Variants in ADAMTS3 observed in about 807,000 individuals in gnomAD.
ADAMTS3 encodes the protein A disintegrin and metalloproteinase with thrombospondin motifs 3.
In ADAMTS3, 73 loss-of-function variants were observed where a neutral mutation model predicts 129.0. The observed-to-expected ratio is 0.57, with a 90% CI of 0.47 to 0.69. ADAMTS3 has a LOEUF of 0.69. Among genes scored for constraint, ADAMTS3 ranks in the 30% least tolerant of loss-of-function variants. The probability of loss-of-function intolerance (pLI) is 0.00; values close to 1 mark genes in which losing one functional copy is unlikely to be tolerated. For synonymous variants in ADAMTS3, 477 were observed against 510.8 expected (o/e 0.93, Z 0.89); for missense variants, 1,457 against 1,514.5 (o/e 0.96, Z 0.63).
Position 72,309,469 on chromosome 4 carries a change from C to G in ADAMTS3, c.2107G>C (p.Gly703Arg). Residue 703 changes from glycine to arginine, a missense_variant, in exon 15 of 22, where the codon GGT (glycine) becomes CGT (arginine). Coordinates refer to ENST00000286657, the MANE Select transcript of ADAMTS3 (RefSeq NM_014243.3). Reference sequence around the variant, plus strand: ...TGGGAATTATCTCCTCCACAGACACCACACTTATCCTCAACCTTATTAGAA... The same window carrying G: ...TGGGAATTATCTCCTCCACAGACACGACACTTATCCTCAACCTTATTAGAA... ...IGSNKVEDKC[G>R]VCGGDNSHCR... The G allele has an allele frequency of 2.5e-6, 4 of 1,612,134 alleles. No individual in the cohort carries two copies. The highest frequency in any genetic ancestry group is 3.4e-6 in the Non-Finnish European group (4 of 1,178,634).
At chr4:72,286,998 C>T (rs564902828) in intron 21 of ADAMTS3, among the ~76,000 whole-genome samples, 161 of 152,082 alleles carry the variant, frequency 1.1e-3, no homozygotes, top group African/African-American at 3.7e-3. Context: ...TGAATGTGTG[C>T]CCCCAAAATT....
intron 3 of ADAMTS3, among the ~76,000 whole-genome samples, chr4:72,500,469 CT>C (rs1434254497): frequency 1.3e-5 from 2 of 151,824 alleles, no homozygotes; most frequent in Non-Finnish European, 2.9e-5. Flanking sequence ...GAGTTACTTG[CT>C]TTTTGCTTGT....
At position 72,509,853 on chromosome 4, in the gene ADAMTS3, A is replaced by G. The variant is rs1578745801; in HGVS notation, c.504+38625T>C. Among the ~76,000 whole-genome samples, 4 of 152,186 alleles carry G rather than the reference A, an allele frequency of 2.6e-5. No individual in the cohort carries two copies. The East Asian group carries it at 7.7e-4, about 29-fold the overall frequency. ...GAGTATGTCTGATGGATACTGACAC[A>G]AAAATCCTCAAAAAACTACTAGCAA... On this transcript the variant is annotated intron_variant, in intron 3 of 21. Coordinates refer to ENST00000286657, the MANE Select transcript of ADAMTS3 (RefSeq NM_014243.3).
chr4:72,346,457 C>G (rs1295646835), intron 4 of ADAMTS3, among the ~76,000 whole-genome samples: 1 of 152,054 alleles, frequency 6.6e-6, no homozygotes, highest in Non-Finnish European at 1.5e-5. Flanking sequence ...TCTGCATTCT[C>G]TTGGCCTCAA....
chr4:72,383,599 G>A (rs572070343), intron 4 of ADAMTS3, among the ~76,000 whole-genome samples: 159 of 152,182 alleles, frequency 1.0e-3, no homozygotes, highest in Middle Eastern at 6.8e-3. Context: ...TGTTCGAGGC[G>A]GACTCTAAGC....
At chr4:72,462,404 C>G (rs1165574631) in intron 3 of ADAMTS3, among the ~76,000 whole-genome samples, 1 of 151,946 alleles carries the variant, frequency 6.6e-6, no homozygotes, top group Non-Finnish European at 1.5e-5. Context: ...TGAAACAATG[C>G]GCAGTCATGA....
intron 17 of ADAMTS3, among the ~76,000 whole-genome samples, chr4:72,300,699 C>G (rs1229378578): frequency 6.6e-6 from 1 of 152,038 alleles, no homozygotes; most frequent in Admixed American, 6.6e-5. Flanking sequence ...CTGAGAATTC[C>G]GTCTCGGTTT....
intron 3 of ADAMTS3, among the ~76,000 whole-genome samples, chr4:72,501,831 C>T (rs1720032966): frequency 6.6e-6 from 1 of 151,902 alleles, no homozygotes; most frequent in Non-Finnish European, 1.5e-5. Flanking sequence ...GGGATGTTAT[C>T]AATTTTATCA....
chr4:72,444,455 C>T (rs747088558), intron 3 of ADAMTS3, among the ~76,000 whole-genome samples: 6 of 151,712 alleles, frequency 4.0e-5, no homozygotes, highest in Non-Finnish European at 5.9e-5. Context: ...ACAATTACTG[C>T]CTGTGTTAAA....
intron 3 of ADAMTS3, among the ~76,000 whole-genome samples, chr4:72,481,916 TAA>T (rs2110006744): frequency 6.6e-6 from 1 of 152,202 alleles, no homozygotes; most frequent in Admixed American, 6.5e-5. Context: ...CATGAAAAGA[TAA>T]TTAACCATTA....
intron 3 of ADAMTS3, among the ~76,000 whole-genome samples, chr4:72,447,010 C>T (rs1013218494): frequency 3.3e-5 from 5 of 151,578 alleles, no homozygotes; most frequent in Non-Finnish European, 7.4e-5. Context: ...TTGAATCAGA[C>T]AATACAGTAA....
chr4:72,312,162 T>G, intron 13 of ADAMTS3, 129 bp downstream of exon 13: 3 of 935,798 alleles, frequency 3.2e-6, no homozygotes, highest in Non-Finnish European at 4.9e-6. Flanking sequence ...CCAGGAGAAC[T>G]TACTCCTATA....
chr4:72,455,358 G>A (rs1199261451), intron 3 of ADAMTS3, among the ~76,000 whole-genome samples: 1 of 151,512 alleles, frequency 6.6e-6, no homozygotes, highest in East Asian at 2.0e-4. Context: ...ATCATTCTCA[G>A]CAAACTAACA....
At chr4:72,285,256 G>A (rs1718474169) in intron 21 of ADAMTS3, among the ~76,000 whole-genome samples, 1 of 152,150 alleles carries the variant, frequency 6.6e-6, no homozygotes, top group Non-Finnish European at 1.5e-5. Flanking sequence ...CTTGACATGT[G>A]CAGGTCTATT....
chr4:72,395,182 C>G (rs1721696191), intron 4 of ADAMTS3, among the ~76,000 whole-genome samples: 1 of 152,132 alleles, frequency 6.6e-6, no homozygotes, highest in Admixed American at 6.6e-5. Flanking sequence ...GCCTCGGCCT[C>G]CCAAAGTGCT....
chr4:72,494,228 T>A (rs1719818521), intron 3 of ADAMTS3, among the ~76,000 whole-genome samples: 2 of 152,182 alleles, frequency 1.3e-5, no homozygotes, highest in African/African-American at 4.8e-5. Context: ...GTTTTCTTGA[T>A]GATGCATCAT....
chr4:72,501,063 T>C (rs374119784), intron 3 of ADAMTS3, among the ~76,000 whole-genome samples: 4 of 152,204 alleles, frequency 2.6e-5, no homozygotes, highest in African/African-American at 4.8e-5. Context: ...TCTGGCTTTG[T>C]TCTTTTTGCT....
chr4:72,362,504 T>G (rs1159732526), intron 4 of ADAMTS3, among the ~76,000 whole-genome samples: 2 of 152,174 alleles, frequency 1.3e-5, no homozygotes, highest in Non-Finnish European at 2.9e-5. Context: ...TAGCCCTTAT[T>G]ATCAGTAGGG....
intron 3 of ADAMTS3, among the ~76,000 whole-genome samples, chr4:72,464,157 C>A (rs1034502328): frequency 6.6e-6 from 1 of 152,044 alleles, no homozygotes; most frequent in Non-Finnish European, 1.5e-5. Context: ...TCACAGCTAC[C>A]TGCTGCTCAC....
Sources: gnomAD v4.1 joint callset for allele counts (sites outside exome capture counted in the v4.1 genomes callset) on GRCh38, gnomAD v4.1.1 for gene constraint, MANE v1.5 for transcripts, NCBI Gene and HGNC (gene_info 2026-07-23, HGNC 2026-07-21) for gene names.